The following NPSR1 variants were observed in gnomAD, a reference collection of about 807,000 sequenced individuals.
The protein encoded by NPSR1 is neuropeptide S receptor 1.
In NPSR1, 48 loss-of-function variants were observed where a neutral mutation model predicts 46.9. The ratio of observed to expected loss-of-function variants is 1.02; its 90% CI spans 0.81 to 1.30. NPSR1 has a LOEUF of 1.30. Among genes scored for constraint, NPSR1 ranks in the 50% most tolerant of loss-of-function variants. NPSR1 has a pLI of 0.00. For missense variants in NPSR1, 450 were observed against 449.5 expected (o/e 1.00, Z -0.01); for synonymous variants, 176 against 168.1 (o/e 1.05, Z -0.36).
chr7:34,739,379 T>C (rs1223272469), intron 2 of NPSR1, among the ~76,000 whole-genome samples: 1 of 152,242 alleles, frequency 6.6e-6, no homozygotes, highest in Non-Finnish European at 1.5e-5. Context: ...AGTTCTAACA[T>C]CTCTACATCC....
At chr7:34,792,132 A>C (rs1787910567) in intron 3 of NPSR1, among the ~76,000 whole-genome samples, 1 of 152,120 alleles carries the variant, frequency 6.6e-6, no homozygotes, top group African/African-American at 2.4e-5. Context: ...AACAGGGGAA[A>C]TGTTCCTTGA....
chr7:34,718,295 G>GT (rs1199944255), intron 2 of NPSR1, among the ~76,000 whole-genome samples: 1 of 152,048 alleles, frequency 6.6e-6, no homozygotes, highest in African/African-American at 2.4e-5. Context: ...AAATCTCTTC[G>GT]ATGCTTGTTT....
intron 8 of NPSR1, among the ~76,000 whole-genome samples, chr7:34,871,044 C>T (rs1791442417): frequency 6.6e-6 from 1 of 151,778 alleles, no homozygotes; most frequent in East Asian, 1.9e-4. Context: ...TATATTAGGC[C>T]ATTCTTGCAT....
chr7:34,786,177 T>C (rs1424080418), intron 3 of NPSR1, among the ~76,000 whole-genome samples: 2 of 152,176 alleles, frequency 1.3e-5, no homozygotes, highest in African/African-American at 4.8e-5. Flanking sequence ...GCCACTGTTT[T>C]ATCAAATATG....
At chr7:34,749,429 C>A (rs1240422138) in intron 2 of NPSR1, among the ~76,000 whole-genome samples, 3 of 152,154 alleles carry the variant, frequency 2.0e-5, no homozygotes, top group Admixed American at 1.3e-4. Flanking sequence ...TATAATGTTC[C>A]AAACACGTGG....
At chr7:34,687,322 TAACTC>T (rs1196508609) in intron 2 of NPSR1, among the ~76,000 whole-genome samples, 2 of 152,344 alleles carry the variant, frequency 1.3e-5, no homozygotes, top group East Asian at 3.9e-4. Flanking sequence ...TATACAGTGA[TAACTC>T]AATAGTATGT....
chr7:34,783,213 T>C (rs969222249), intron 3 of NPSR1, among the ~76,000 whole-genome samples: 1 of 152,116 alleles, frequency 6.6e-6, no homozygotes, highest in Non-Finnish European at 1.5e-5. Flanking sequence ...CAAGACTGGG[T>C]AATTTATAAG....
In NPSR1 at chr7:34,795,813, G is replaced by T. The variant is rs188481847; in HGVS notation, c.385-15957G>T. 3.4e-3 allele frequency among the ~76,000 whole-genome samples: 519 copies of T among 152,134 alleles called. 3 individuals carry two copies. The highest frequency in any genetic ancestry group is 0.012 in the African/African-American group (504 of 41,540). On this transcript the variant is annotated intron_variant, in intron 3 of 8. Transcript: ENST00000360581. ...CATAGGAAGATTCAATATTGTCAAG[G>T]TGTCAGATCTTCTCAACTTACTCTA...
intron 8 of NPSR1, among the ~76,000 whole-genome samples, chr7:34,869,937 C>T (rs974088230): frequency 3.0e-4 from 46 of 151,698 alleles, no homozygotes; most frequent in Admixed American, 2.2e-3. Flanking sequence ...ATATTTACAC[C>T]GTGGAAATCA....
At chr7:34,831,336 CACACAA>C (rs1260067945) in intron 5 of NPSR1, among the ~76,000 whole-genome samples, 3 of 151,976 alleles carry the variant, frequency 2.0e-5, no homozygotes, top group Non-Finnish European at 4.4e-5. Context: ...CACACACACA[CACACAA>C]ACACACGTGT....
At position 34,708,228 on chromosome 7, in the gene NPSR1, T is replaced by A. The variant is rs188370030; in HGVS notation, c.280+23544T>A. ...GAACTCTCTTCCACATGCAAAGAGATAAAATGTGATTTCTGCAAGTTTTAT... is the reference window on the plus strand; with the variant it reads ...GAACTCTCTTCCACATGCAAAGAGAAAAAATGTGATTTCTGCAAGTTTTAT... On this transcript the variant is annotated intron_variant, in intron 2 of 8. Transcript: ENST00000360581. 2.7e-3 allele frequency among the ~76,000 whole-genome samples: 411 copies of A among 152,272 alleles called. 4 individuals are homozygous for A. The highest frequency in any genetic ancestry group is 3.8e-3 in the Admixed American group (58 of 15,294).
chr7:34,818,384 G>T (rs959078278), intron 4 of NPSR1, among the ~76,000 whole-genome samples: 1 of 152,052 alleles, frequency 6.6e-6, no homozygotes, highest in Non-Finnish European at 1.5e-5. Context: ...CCTTTTCAAG[G>T]AGAACTACAA....
At chr7:34,672,231 T>C (rs570803009) in intron 1 of NPSR1, among the ~76,000 whole-genome samples, 30 of 152,342 alleles carry the variant, frequency 2.0e-4, no homozygotes, top group African/African-American at 6.3e-4. Flanking sequence ...GGTTTCCAAA[T>C]GATTTCTAAC....
intron 2 of NPSR1, among the ~76,000 whole-genome samples, chr7:34,727,489 T>C (rs1784215804): frequency 6.6e-6 from 1 of 152,210 alleles, no homozygotes; most frequent in Non-Finnish European, 1.5e-5. Flanking sequence ...AGGACAATGA[T>C]GTATGTACAA....
chr7:34,788,011 T>C (rs900274972), intron 3 of NPSR1, among the ~76,000 whole-genome samples: 2 of 151,826 alleles, frequency 1.3e-5, no homozygotes, highest in African/African-American at 4.8e-5. Flanking sequence ...AACCTTCAAT[T>C]TGTAAAAAAA....
intron 2 of NPSR1, among the ~76,000 whole-genome samples, chr7:34,696,119 A>T (rs1430060149): frequency 6.6e-6 from 1 of 151,744 alleles, no homozygotes; most frequent in Non-Finnish European, 1.5e-5. Context: ...TATACACCAT[A>T]GAATACTATG....
chr7:34,759,421 A>G (rs1786044803), intron 2 of NPSR1, among the ~76,000 whole-genome samples: 1 of 152,052 alleles, frequency 6.6e-6, no homozygotes, highest in Admixed American at 6.6e-5. Context: ...ATTTGTTGCC[A>G]TAGTTATTTC....
chr7:34,815,428 G>A (rs1237462857), intron 4 of NPSR1, among the ~76,000 whole-genome samples: 1 of 152,190 alleles, frequency 6.6e-6, no homozygotes, highest in Non-Finnish European at 1.5e-5. Flanking sequence ...TATGTGAAAA[G>A]ACCAAATCTA....
At chr7:34,736,827 G>A (rs1359518301) in intron 2 of NPSR1, among the ~76,000 whole-genome samples, 3 of 151,886 alleles carry the variant, frequency 2.0e-5, no homozygotes, top group Admixed American at 6.6e-5. Flanking sequence ...TAATAACCTA[G>A]AACTCAAATA....
Sources: gnomAD v4.1 joint callset for allele counts (sites outside exome capture counted in the v4.1 genomes callset) on GRCh38, gnomAD v4.1.1 for gene constraint, MANE v1.5 for transcripts, NCBI Gene and HGNC (gene_info 2026-07-23, HGNC 2026-07-21) for gene names.